Variants in MAML3 observed in about 807,000 individuals in gnomAD.
MAML3 encodes the protein mastermind-like protein 3.
MAML3 carries 27 observed loss-of-function variants against 101.9 expected under a neutral mutation model. The ratio of observed to expected loss-of-function variants is 0.27; its 90% confidence interval spans 0.20 to 0.37. MAML3 has a LOEUF of 0.37. Among genes scored for constraint, MAML3 ranks in the 10% least tolerant of loss-of-function variants. The probability of loss-of-function intolerance (pLI) is 1.00; values close to 1 mark genes in which losing one functional copy is unlikely to be tolerated. For missense variants in MAML3, 1,316 were observed against 1,444.9 expected (o/e 0.91, Z 1.45); for synonymous variants, 501 against 555.9 (o/e 0.90, Z 1.39).
At chr4:139,734,686 A>G (rs981908311) in intron 2 of MAML3, among the ~76,000 whole-genome samples, 1 of 152,276 alleles carries the variant, frequency 6.6e-6, no homozygotes, top group African/African-American at 2.4e-5. Flanking sequence ...CAGTTGTGGT[A>G]AAAATATCTC....
intron 2 of MAML3, among the ~76,000 whole-genome samples, chr4:139,763,578 A>T (rs893684345): frequency 1.3e-5 from 2 of 150,734 alleles, no homozygotes; most frequent in South Asian, 2.2e-4. Flanking sequence ...AGAATTGCTT[A>T]ATTAATCTAA....
chr4:139,817,127 A>C (rs1170403672), intron 2 of MAML3, among the ~76,000 whole-genome samples: 1 of 152,168 alleles, frequency 6.6e-6, no homozygotes, highest in East Asian at 1.9e-4. Flanking sequence ...TTGGAAATCA[A>C]GATCTGCCAT....
chr4:140,084,062 C>T (rs762221043), intron 1 of MAML3, among the ~76,000 whole-genome samples: 17 of 151,738 alleles, frequency 1.1e-4, no homozygotes, highest in Non-Finnish European at 2.5e-4. Flanking sequence ...CTCCCCAGTT[C>T]TGGTTATTTC....
intron 2 of MAML3, among the ~76,000 whole-genome samples, chr4:139,766,258 G>A (rs935484592): frequency 5.9e-5 from 9 of 151,944 alleles, no homozygotes; most frequent in African/African-American, 2.2e-4. Flanking sequence ...TGCAGCCTCC[G>A]CCTCCTGGGT....
At chr4:139,977,895 A>AAAAAAC (rs1734375389) in intron 1 of MAML3, among the ~76,000 whole-genome samples, 1 of 145,504 alleles carries the variant, frequency 6.9e-6, no homozygotes, top group Non-Finnish European at 1.5e-5. Flanking sequence ...AACAAAAAAC[A>AAAAAAC]AAAAAAAAAC....
intron 1 of MAML3, among the ~76,000 whole-genome samples, chr4:140,151,192 A>AGGAGGAGGAAG (rs957171759): frequency 1.2e-3 from 186 of 150,282 alleles, no homozygotes; most frequent in East Asian, 3.6e-3. Flanking sequence ...GAGTGGCTGG[A>AGGAGGAGGAAG]GGAGGAGGAA....
At chr4:140,016,085 G>T (rs1191924447) in intron 1 of MAML3, among the ~76,000 whole-genome samples, 1 of 152,134 alleles carries the variant, frequency 6.6e-6, no homozygotes, top group Non-Finnish European at 1.5e-5. Flanking sequence ...AGTGAGTCCA[G>T]CAAGATAACA....
chr4:139,830,228 G>C (rs1203266660), intron 2 of MAML3, among the ~76,000 whole-genome samples: 1 of 152,134 alleles, frequency 6.6e-6, no homozygotes, highest in Non-Finnish European at 1.5e-5. Flanking sequence ...CCTGCTCTTG[G>C]CAAGAGGTTA....
At chr4:140,067,902 T>G in intron 1 of MAML3, among the ~76,000 whole-genome samples, 1 of 152,114 alleles carries the variant, frequency 6.6e-6, no homozygotes, top group East Asian at 1.9e-4. Context: ...CCCGGCTAAT[T>G]TTGTACTTTT....
At chr4:139,927,057 G>GT (rs1030216380) in intron 1 of MAML3, among the ~76,000 whole-genome samples, 24 of 139,636 alleles carry the variant, frequency 1.7e-4, no homozygotes, top group African/African-American at 6.3e-4. Context: ...TGTTTAATGA[G>GT]TTTTTTTCTT....
intron 1 of MAML3, among the ~76,000 whole-genome samples, chr4:140,134,774 G>A (rs555178602): frequency 1.3e-5 from 2 of 152,240 alleles, no homozygotes; most frequent in East Asian, 1.9e-4. Flanking sequence ...CCAAGAATAT[G>A]GTGACATTTG....
At chr4:139,815,202 C>T (rs1730872803) in intron 2 of MAML3, among the ~76,000 whole-genome samples, 1 of 152,154 alleles carries the variant, frequency 6.6e-6, no homozygotes, top group Non-Finnish European at 1.5e-5. Context: ...GTATCCATAA[C>T]ATGGATGGTT....
At chr4:139,875,290 GTCATACCTAGGCAGTTC>G (rs1178650330) in intron 2 of MAML3, among the ~76,000 whole-genome samples, 3 of 152,172 alleles carry the variant, frequency 2.0e-5, no homozygotes, top group Admixed American at 2.0e-4. Context: ...CCTACCTGAT[GTCATACCTAGGCAGTTC>G]TCAAGTCAGG....
intron 1 of MAML3, among the ~76,000 whole-genome samples, chr4:140,087,436 T>G (rs1036374026): frequency 6.6e-6 from 1 of 152,260 alleles, no homozygotes; most frequent in African/African-American, 2.4e-5. Flanking sequence ...AATGCTACCA[T>G]GAGAAACTTT....
intron 4 of MAML3, among the ~76,000 whole-genome samples, chr4:139,722,214 G>A (rs539506204): frequency 6.6e-6 from 1 of 152,296 alleles, no homozygotes; most frequent in African/African-American, 2.4e-5. Flanking sequence ...ATTAATCCAA[G>A]CCAACCTTTA....
At chr4:139,748,171 C>T (rs1578577015) in intron 2 of MAML3, among the ~76,000 whole-genome samples, 2 of 151,924 alleles carry the variant, frequency 1.3e-5, no homozygotes, top group African/African-American at 4.8e-5. Context: ...TCCAGATACC[C>T]ACAGGCTCTA....
intron 2 of MAML3, among the ~76,000 whole-genome samples, chr4:139,745,787 C>T (rs190703772): frequency 4.0e-4 from 61 of 152,258 alleles, no homozygotes; most frequent in Admixed American, 2.4e-3. Context: ...TTTAAACATA[C>T]CACCTGGTTT....
At chr4:140,122,747 C>T (rs1468759626) in intron 1 of MAML3, among the ~76,000 whole-genome samples, 1 of 147,670 alleles carries the variant, frequency 6.8e-6, no homozygotes, top group Non-Finnish European at 1.5e-5. Flanking sequence ...AGCTGAGATC[C>T]CGCCACTGCA....
chr4:139,758,943 CTT>C (rs1307243035), intron 2 of MAML3, among the ~76,000 whole-genome samples: 1 of 152,246 alleles, frequency 6.6e-6, no homozygotes. Flanking sequence ...CTGAACCTCT[CTT>C]GATGAGAATC....
Sources: allele counts gnomAD v4.1 joint callset (sites outside exome capture counted in the v4.1 genomes callset), GRCh38; gene constraint gnomAD v4.1.1; transcripts MANE v1.5; gene names NCBI Gene and HGNC (gene_info 2026-07-23, HGNC 2026-07-21).